Variants in CLVS1 observed in about 807,000 individuals in gnomAD.
CLVS1 encodes the protein clavesin-1.
A neutral mutation model predicts 33.1 loss-of-function variants in CLVS1; 10 were observed. The ratio of observed to expected loss-of-function variants is 0.30; its 90% CI spans 0.19 to 0.51. The LOEUF (loss-of-function observed/expected upper bound fraction) is 0.51, where lower values mean the gene tolerates loss of function less well. Among genes scored for constraint, CLVS1 ranks in the 20% least tolerant of loss-of-function variants. CLVS1 has a pLI of 0.97. For missense variants in CLVS1, 343 were observed against 433.4 expected (o/e 0.79, Z 1.85); for synonymous variants, 163 against 166.1 (o/e 0.98, Z 0.14).
intron 2 of CLVS1, among the ~76,000 whole-genome samples, chr8:61,335,031 G>T (rs151009441): frequency 6.6e-6 from 1 of 152,332 alleles, no homozygotes; most frequent in African/African-American, 2.4e-5. Context: ...TGAAATCATA[G>T]GGAGTTGGAG....
chr8:60,992,332 A>C, the CLVS1 span, among the ~76,000 whole-genome samples: 2 of 152,242 alleles, frequency 1.3e-5, no homozygotes, highest in African/African-American at 4.8e-5. Context: ...AGTTTAATAT[A>C]GAATGCTTAG....
At chr8:61,412,731 A>G (rs956583380) in intron 3 of CLVS1, among the ~76,000 whole-genome samples, 2 of 152,340 alleles carry the variant, frequency 1.3e-5, no homozygotes, top group Non-Finnish European at 2.9e-5. Flanking sequence ...CAGTTTAGCT[A>G]AGACTAAACC....
chr8:61,363,272 A>T (rs1448740457), intron 2 of CLVS1, among the ~76,000 whole-genome samples: 3 of 152,200 alleles, frequency 2.0e-5, no homozygotes, highest in African/African-American at 7.2e-5. Context: ...CTTGTGTGAG[A>T]ATTTAAAATA....
At chr8:61,494,597 G>A (rs150253693) in intron 5 of CLVS1, among the ~76,000 whole-genome samples, 4 of 152,194 alleles carry the variant, frequency 2.6e-5, no homozygotes, top group Admixed American at 2.0e-4. Context: ...GTGGCTTCTC[G>A]ATAGTTAATG....
chr8:61,444,692 G>A (rs1816688868), intron 3 of CLVS1, among the ~76,000 whole-genome samples: 1 of 152,180 alleles, frequency 6.6e-6, no homozygotes, highest in African/African-American at 2.4e-5. Context: ...TAGTCAGGAG[G>A]CAGCGGAGTG....
At chr8:61,137,448 T>C (rs1206745454) in intron 2 of CLVS1, among the ~76,000 whole-genome samples, 1 of 152,182 alleles carries the variant, frequency 6.6e-6, no homozygotes, top group African/African-American at 2.4e-5. Flanking sequence ...AAAATGGGGA[T>C]AATACTTGTC....
chr8:61,480,190 A>C (rs1300759348), intron 5 of CLVS1, among the ~76,000 whole-genome samples: 1 of 152,262 alleles, frequency 6.6e-6, no homozygotes, highest in Non-Finnish European at 1.5e-5. Context: ...GGTGGAGCCT[A>C]CAGAGGCAGG....
chr8:61,466,065 C>G (rs1817537959), intron 5 of CLVS1, among the ~76,000 whole-genome samples: 1 of 152,176 alleles, frequency 6.6e-6, no homozygotes, highest in African/African-American at 2.4e-5. Flanking sequence ...ACCTCACTTT[C>G]TCCTACCTAA....
intron 2 of CLVS1, 41 bp from the exon 3 acceptor site, chr8:61,376,564 C>T: frequency 1.3e-6 from 2 of 1,589,708 alleles, no homozygotes; most frequent in Non-Finnish European, 1.7e-6. Context: ...CTATCACCTG[C>T]TCATATTCAC....
intron 2 of CLVS1, among the ~76,000 whole-genome samples, chr8:61,268,476 T>A (rs1248101888): frequency 6.6e-6 from 1 of 151,526 alleles, no homozygotes; most frequent in Non-Finnish European, 1.5e-5. Context: ...GCAATAAACA[T>A]ACGTGTGCAT....
intron 2 of CLVS1, among the ~76,000 whole-genome samples, chr8:61,252,310 A>G (rs1385626829): frequency 2.0e-5 from 3 of 152,006 alleles, no homozygotes; most frequent in Non-Finnish European, 4.4e-5. Context: ...ATTCTTTTGT[A>G]TTTGCTGAGG....
At chr8:61,400,175 G>A (rs995466360) in intron 3 of CLVS1, among the ~76,000 whole-genome samples, 1 of 152,188 alleles carries the variant, frequency 6.6e-6, no homozygotes, top group African/African-American at 2.4e-5. Context: ...AGCATGGAAT[G>A]TTTTTCCATC....
chr8:61,408,621 A>G (rs1815090222), intron 3 of CLVS1, among the ~76,000 whole-genome samples: 1 of 152,208 alleles, frequency 6.6e-6, no homozygotes, highest in Non-Finnish European at 1.5e-5. Flanking sequence ...GCAGTATTAA[A>G]TCAAACAATT....
At chr8:61,124,344 G>T (rs1332250625) in intron 1 of CLVS1, among the ~76,000 whole-genome samples, 1 of 152,226 alleles carries the variant, frequency 6.6e-6, no homozygotes, top group Non-Finnish European at 1.5e-5. Context: ...TACTGAACAA[G>T]ATGAATAGTT....
chr8:61,078,199 A>G (rs1261565512), intron 1 of CLVS1, among the ~76,000 whole-genome samples: 3 of 152,140 alleles, frequency 2.0e-5, no homozygotes, highest in East Asian at 1.9e-4. Flanking sequence ...TGTGGGAAGG[A>G]GAGAGCTTTA....
At chr8:61,101,277 G>C (rs1406260551) in intron 1 of CLVS1, among the ~76,000 whole-genome samples, 1 of 152,174 alleles carries the variant, frequency 6.6e-6, no homozygotes, top group Non-Finnish European at 1.5e-5. Flanking sequence ...CCTTGTGGAT[G>C]TAAAGTGGTA....
In CLVS1 at chr8:61,458,355, C is replaced by T. The variant is rs775056408; in HGVS notation, c.790C>T (p.Pro264Ser). Residue 264 changes from proline (P) to serine (S), a missense_variant, in exon 5 of 6, where the codon CCT (proline) becomes TCT (serine). This residue lies in a region of CLVS1 where 166 missense variants were observed against 244.0 expected (regional missense o/e 0.68). Coordinates refer to ENST00000325897, the MANE Select transcript of CLVS1 (RefSeq NM_173519.3). Reference sequence around the variant, plus strand: ...AAACAGCCTTCACCAGCTAATACACCCTGAATTTTTGCCCTCTGAATTTGG... The same window carrying T: ...AAACAGCCTTCACCAGCTAATACACTCTGAATTTTTGCCCTCTGAATTTGG... The part of the protein sequence containing the change: ...NLNSLHQLIH[P>S]EFLPSEFGGT... 15 of 1,614,058 alleles carry T rather than the reference C, an allele frequency of 9.3e-6. No individual in the cohort carries two copies. Among genetic ancestry groups the T allele is most frequent in the Non-Finnish European group, 1.3e-5 (15 of 1,179,966 alleles).
At chr8:61,162,006 C>T (rs10097639) in intron 2 of CLVS1, among the ~76,000 whole-genome samples, 6 of 62,038 alleles carry the variant, frequency 9.7e-5, no homozygotes, top group Admixed American at 5.0e-4. Flanking sequence ...AAAAAAAAAA[C>T]GTAGTGTTGA....
chr8:61,032,152 C>T, the CLVS1 span, among the ~76,000 whole-genome samples: 4 of 152,126 alleles, frequency 2.6e-5, no homozygotes, highest in Non-Finnish European at 5.9e-5. Flanking sequence ...GCAGCACCAA[C>T]GATAACCAAA....
Sources: gnomAD v4.1 joint callset for allele counts (sites outside exome capture counted in the v4.1 genomes callset) on GRCh38, gnomAD v4.1.1 for gene constraint, gnomAD v4.1.1 regional missense constraint, MANE v1.5 for transcripts, NCBI Gene and HGNC (gene_info 2026-07-23, HGNC 2026-07-21) for gene names.